FHOD3: variants seen among roughly 807,000 people sequenced by gnomAD.
FHOD3 encodes the protein formin homology 2 domain containing 3, also known as FH1/FH2 domain-containing protein 3.
Under a neutral mutation model 173.0 loss-of-function variants are expected in FHOD3, and 90 were observed. The observed-to-expected ratio is 0.52, with a 90% CI of 0.44 to 0.62. The LOEUF is 0.62. Among genes scored for constraint, FHOD3 ranks in the 20% least tolerant of loss-of-function variants. The pLI is 0.00. For missense variants in FHOD3, 1,945 were observed against 2,034.7 expected (o/e 0.96, Z 0.85); for synonymous variants, 828 against 823.0 (o/e 1.01, Z -0.10).
chr18:36,298,060 C>T, intron 1 of FHOD3, 60 bp downstream of exon 1: 9 of 1,383,720 alleles, frequency 6.5e-6, no homozygotes, highest in Non-Finnish European at 7.5e-6. Flanking sequence ...CGGTGCGCGC[C>T]GGGGTGGGTC....
chr18:36,642,216 T>G (rs1405127849), intron 10 of FHOD3, among the ~76,000 whole-genome samples: 2 of 152,104 alleles, frequency 1.3e-5, no homozygotes, highest in African/African-American at 4.8e-5. Context: ...GGTGAAGAAA[T>G]ATGTACAACA....
chr18:36,352,759 A>G (rs2046191245), intron 1 of FHOD3, among the ~76,000 whole-genome samples: 1 of 152,222 alleles, frequency 6.6e-6, no homozygotes, highest in Non-Finnish European at 1.5e-5. Context: ...TTGTCATTCC[A>G]TCTTTCAGTC....
Position 36,603,054 on chromosome 18 carries a change from A to G in FHOD3, c.813+286A>G, listed in dbSNP as rs531744551. On this transcript the variant is annotated intron_variant, in intron 8 of 28. Transcript: ENST00000590592. ...GAACGCCACAGATTGTTGGCTGCCA[A>G]TTGAGGATGAGGCAAAGACAGACTT... Among the ~76,000 whole-genome samples, 4 of 151,248 alleles carry G rather than the reference A, an allele frequency of 2.6e-5. No individual in the cohort carries two copies. The South Asian group carries it at 6.2e-4, about 24-fold the overall frequency.
intron 6 of FHOD3, among the ~76,000 whole-genome samples, chr18:36,593,643 G>A (rs1292635520): frequency 6.6e-6 from 1 of 152,190 alleles, no homozygotes; most frequent in East Asian, 1.9e-4. Context: ...AACACAGGAA[G>A]TAGCTGGAGC....
intron 6 of FHOD3, among the ~76,000 whole-genome samples, chr18:36,591,739 G>C (rs2059223701): frequency 7.6e-6 from 1 of 132,416 alleles, no homozygotes; most frequent in Admixed American, 8.0e-5. Flanking sequence ...GCAACATAGA[G>C]AGACACTATC....
intron 1 of FHOD3, among the ~76,000 whole-genome samples, chr18:36,305,739 G>A (rs2092076105): frequency 6.6e-6 from 1 of 152,228 alleles, no homozygotes; most frequent in African/African-American, 2.4e-5. Flanking sequence ...ACTCTGAGTA[G>A]TGGGGTGGTC....
At position 36,569,513 on chromosome 18, in the gene FHOD3, G is replaced by A. The variant is rs559311622; in HGVS notation, c.512-6938G>A. On this transcript the variant is annotated intron_variant, in intron 5 of 28. Coordinates refer to ENST00000590592, the MANE Select transcript of FHOD3 (RefSeq NM_001281740.3). ...TGGAGACTTCAATACTTCTTTTTTGGTAATCAATAGAATTGACAGACTGAA... is the reference window on the plus strand; with the variant it reads ...TGGAGACTTCAATACTTCTTTTTTGATAATCAATAGAATTGACAGACTGAA... Among the ~76,000 whole-genome samples, 235 of 152,058 alleles carry A rather than the reference G, an allele frequency of 1.5e-3. 1 individual carries two copies. Among genetic ancestry groups the A allele is most frequent in the African/African-American group, 5.4e-3 (225 of 41,506 alleles).
intron 2 of FHOD3, among the ~76,000 whole-genome samples, chr18:36,364,536 C>T (rs1193838529): frequency 1.3e-5 from 2 of 152,200 alleles, no homozygotes; most frequent in Non-Finnish European, 2.9e-5. Flanking sequence ...CCAGTGGTCC[C>T]TGCCTTAGTT....
intron 3 of FHOD3, among the ~76,000 whole-genome samples, chr18:36,461,451 G>T (rs575519841): frequency 4.7e-4 from 67 of 143,028 alleles, no homozygotes; most frequent in South Asian, 1.9e-3. Flanking sequence ...GTTTTTTTTT[G>T]TGTGTGTGTT....
Position 36,297,757 on chromosome 18 carries a change from C to A in FHOD3, c.-79C>A, listed in dbSNP as rs1206328492. ...CCAGCGAGCTGCGGCTGCGGCCTCC[C>A]CTGCGCGCAGCTACCCGGGCGTCCC... On this transcript the variant is annotated 5_prime_UTR_variant, in exon 1 of 29. Transcript: ENST00000590592. 8 of 1,276,982 alleles carry A rather than the reference C, an allele frequency of 6.3e-6. No individual in the cohort carries two copies. Among genetic ancestry groups the A allele is most frequent in the Non-Finnish European group, 8.2e-6 (8 of 978,540 alleles). The allele number at this position is 1,276,982 out of a possible 1,614,324, so 79.1% of individuals were successfully genotyped here.
chr18:36,305,084 ATT>A (rs1376459459), intron 1 of FHOD3, among the ~76,000 whole-genome samples: 8 of 152,214 alleles, frequency 5.3e-5, no homozygotes. Context: ...AGATAAACTT[ATT>A]TATGAATTAA....
At position 36,727,261 on chromosome 18, in the gene FHOD3, A is replaced by G. The variant is rs2041125898; in HGVS notation, c.3418-3385A>G. ...GGACAATTCAAATGGATCAGAATAG[A>G]TGACTGCCAATCCTTAGACATGGAT... On this transcript the variant is annotated intron_variant, in intron 19 of 28. Transcript: ENST00000590592. 2.6e-5 allele frequency among the ~76,000 whole-genome samples: 4 copies of G among 152,132 alleles called. No homozygotes were observed. In the South Asian group the frequency reaches 8.3e-4, roughly 32 times the overall value.
At chr18:36,454,623 TCA>T (rs1318184010) in intron 3 of FHOD3, among the ~76,000 whole-genome samples, 1 of 152,122 alleles carries the variant, frequency 6.6e-6, no homozygotes, top group African/African-American at 2.4e-5. Flanking sequence ...TATTTTTTTC[TCA>T]GTTTGTTTGG....
intron 8 of FHOD3, among the ~76,000 whole-genome samples, chr18:36,605,078 A>C (rs1286723431): frequency 2.0e-5 from 3 of 152,222 alleles, no homozygotes; most frequent in Non-Finnish European, 4.4e-5. Context: ...TTTCTGAAAC[A>C]TAATCCTAAG....
At chr18:36,420,346 A>G (rs988886350) in intron 3 of FHOD3, among the ~76,000 whole-genome samples, 4 of 152,180 alleles carry the variant, frequency 2.6e-5, no homozygotes, top group African/African-American at 9.7e-5. Flanking sequence ...AGCTGTGAAC[A>G]CCCAGGAAAT....
At chr18:36,463,763 G>A (rs981265512) in intron 3 of FHOD3, among the ~76,000 whole-genome samples, 5 of 152,154 alleles carry the variant, frequency 3.3e-5, no homozygotes, top group African/African-American at 2.4e-5. Flanking sequence ...CCCAGTGCTG[G>A]GATTACAGGC....
At chr18:36,478,827 T>G (rs1042684511) in intron 3 of FHOD3, among the ~76,000 whole-genome samples, 1 of 152,076 alleles carries the variant, frequency 6.6e-6, no homozygotes, top group Non-Finnish European at 1.5e-5. Flanking sequence ...CCTACCCCAA[T>G]CCTCCCCACC....
At chr18:36,763,089 AATAT>A (rs2042965439) in intron 27 of FHOD3, among the ~76,000 whole-genome samples, 1 of 148,408 alleles carries the variant, frequency 6.7e-6, no homozygotes, top group African/African-American at 2.5e-5. Flanking sequence ...CGTTATATAT[AATAT>A]GCGTATTATA....
At chr18:36,490,412 T>C (rs770284904) in intron 3 of FHOD3, among the ~76,000 whole-genome samples, 9 of 152,170 alleles carry the variant, frequency 5.9e-5, no homozygotes, top group Non-Finnish European at 1.2e-4. Flanking sequence ...ATGGCTTTGC[T>C]TGGGCTTTCC....
Sources: allele counts gnomAD v4.1 joint callset (sites outside exome capture counted in the v4.1 genomes callset), GRCh38; gene constraint gnomAD v4.1.1; transcripts MANE v1.5; gene names NCBI Gene and HGNC (gene_info 2026-07-23, HGNC 2026-07-21).